The following CCDC136 variants were observed in gnomAD, a reference collection of about 807,000 sequenced individuals.
CCDC136 encodes the protein coiled-coil domain-containing protein 136.
Under a neutral mutation model 141.2 loss-of-function variants are expected in CCDC136, and 100 were observed. The observed-to-expected ratio is 0.71, with a 90% CI of 0.60 to 0.84. The LOEUF is 0.84. Ranked by LOEUF, CCDC136 falls within the 40% of genes least tolerant of loss-of-function variation. The pLI, the probability that CCDC136 is intolerant of heterozygous loss-of-function variation, is 0.00. For missense variants in CCDC136, 1,206 were observed against 1,379.4 expected, an observed-to-expected ratio of 0.87 and a Z score of 1.99; for synonymous variants, 474 against 531.9, an observed-to-expected ratio of 0.89 and a Z score of 1.50.
intron 10 of CCDC136, chr7:128,809,038 G>C: frequency 1.1e-6 from 1 of 898,634 alleles, no homozygotes; most frequent in Non-Finnish European, 1.3e-6. Context: ...TTTGTAAGGA[G>C]TGTAGTTGCA....
In CCDC136 at chr7:128,805,374, A is replaced by T. The variant is rs1804674974; in HGVS notation, c.798A>T (p.Thr266=). The stretch of plus-strand genomic sequence containing the variant: ...TGAATTGCAGGACACAGAGAGCAAC[A>T]GAGAGATGGCTGCAGTCCCAAACAC... The part of the protein sequence containing the change: ...DLESERTQRA[T]ERWLQSQTLS... The change falls in exon 6 of 18, where the codon ACA becomes ACT. Residue 266 remains threonine (T), a synonymous_variant. Coordinates refer to ENST00000297788, the MANE Select transcript of CCDC136 (RefSeq NM_022742.5). The surrounding 1 kb of genome is among the most constrained non-coding windows in gnomAD (Gnocchi z 4.6). 1 of 1,613,932 alleles carries T rather than the reference A, an allele frequency of 6.2e-7. No individual in the cohort carries two copies. The highest frequency in any genetic ancestry group is 8.5e-7 in the Non-Finnish European group (1 of 1,179,880).
upstream of CCDC136, chr7:128,791,484 G>C: frequency 2.3e-6 from 3 of 1,322,430 alleles, no homozygotes; most frequent in Non-Finnish European, 2.9e-6. This position sits in a 1 kb window ranked among gnomAD's most constrained non-coding sequence, Gnocchi z 7.1. Flanking sequence ...AGGCGGCGGC[G>C]GGAGCGGTCA....
In CCDC136 at chr7:128,821,563, GGA is replaced by G; in HGVS notation, c.*6-233_*6-232del. Among the ~76,000 whole-genome samples the G allele has an allele frequency of 6.6e-6, 1 of 152,316 alleles. No individual in the cohort carries two copies. The highest frequency in any genetic ancestry group is 1.5e-5 in the Non-Finnish European group (1 of 68,028). On this transcript the variant is annotated intron_variant, in intron 17 of 17. Transcript: ENST00000297788. This position sits in a 1 kb window ranked among gnomAD's most constrained non-coding sequence, Gnocchi z 5.1. ...GGGAGCTAGTATTCTCAGCCCATGGGGAGAAACGGAGGCCTGAATACAGGCGG... is the reference window on the plus strand; with the variant it reads ...GGGAGCTAGTATTCTCAGCCCATGGGGAAACGGAGGCCTGAATACAGGCGG...
rs1029336375 is a variant in CCDC136, at chr7:128,815,579, C to T, written c.3046-35C>T. ...ATGAGATTAGGAGCTTCACAGGTAACGCAGCCGCCATCCTGCCCTACTCCC... is the reference window on the plus strand; with the variant it reads ...ATGAGATTAGGAGCTTCACAGGTAATGCAGCCGCCATCCTGCCCTACTCCC... On this transcript the variant is annotated intron_variant, in intron 15 of 17. Coordinates refer to ENST00000297788, the MANE Select transcript of CCDC136 (RefSeq NM_022742.5). 1.6e-5 allele frequency: 24 copies of T among 1,526,352 alleles called. No homozygotes were observed. In the African/African-American group the frequency reaches 1.8e-4, roughly 11 times the overall value. The allele number at this position is 1,526,352 out of a possible 1,614,324, so 94.6% of individuals were successfully genotyped here.
chr7:128,808,964 A>G, intron 10 of CCDC136: 2 of 985,256 alleles, frequency 2.0e-6, no homozygotes, highest in Non-Finnish European at 2.4e-6. Flanking sequence ...CATACTTTCT[A>G]AAGATTTAAA....
In CCDC136 at chr7:128,805,969, G is replaced by A. The variant is rs557940028; in HGVS notation, c.1089+68G>A. The A allele has an allele frequency of 5.1e-5, 81 of 1,575,182 alleles. 1 individual carries two copies. In the African/African-American group the frequency reaches 5.7e-4, roughly 11 times the overall value. On this transcript the variant is annotated intron_variant, in intron 7 of 17. Transcript: ENST00000297788. This position sits in a 1 kb window ranked among gnomAD's most constrained non-coding sequence, Gnocchi z 4.6. ...GCCTCATGGAGGGGCTGCTTCAACC[G>A]GGGTGGGCACAGTGAGTATGGCTGT...
Position 128,812,029 on chromosome 7 carries a change from C to T in CCDC136, c.2258C>T (p.Pro753Leu). ...SYGKSYGSMV[P>L]SNENCRKTYD... ...GGGAAGAGCTATGGTAGCATGGTCC[C>T]CAGCAATGAGAACTGTCGCAAGACT... The change falls in exon 13 of 18, where the codon CCC becomes CTC. Residue 753 changes from proline to leucine, a missense_variant. By Grantham distance (98) the Pro-to-Leu change is moderately conservative. Coordinates refer to ENST00000297788, the MANE Select transcript of CCDC136 (RefSeq NM_022742.5). 1 of 1,613,994 alleles carries T rather than the reference C, an allele frequency of 6.2e-7. No homozygotes were observed. The highest frequency in any genetic ancestry group is 8.5e-7 in the Non-Finnish European group (1 of 1,179,882).
Position 128,812,270 on chromosome 7 carries a change from C to T in CCDC136, c.2499C>T (p.Ser833=), listed in dbSNP as rs535712312. 1 of 1,613,342 alleles carries T rather than the reference C, an allele frequency of 6.2e-7. No homozygotes were observed. The highest frequency in any genetic ancestry group is 1.3e-5 in the African/African-American group (1 of 75,018). The part of the protein sequence containing the change: ...SSDTCQKSFV[S]SCTDEEPAEP... ...ACACCTGCCAGAAGAGTTTTGTCAG[C>T]AGCTGCACTGACGAGGAACCTGCTG... Residue 833 remains serine, a synonymous_variant, in exon 13 of 18, where the codon AGC becomes AGT. Coordinates refer to ENST00000297788, the MANE Select transcript of CCDC136 (RefSeq NM_022742.5).
chr7:128,793,537 C>T (rs77573490), intron 1 of CCDC136, among the ~76,000 whole-genome samples: 5 of 152,180 alleles, frequency 3.3e-5, no homozygotes, highest in Non-Finnish European at 2.9e-5. Context: ...TACCTGCTGA[C>T]GGGCAATGTT....
intron 10 of CCDC136, 24 bp from the exon 11 acceptor site, chr7:128,809,426 C>T: frequency 6.8e-7 from 1 of 1,477,970 alleles, no homozygotes; most frequent in Middle Eastern, 2.4e-4. Flanking sequence ...TAACCACCCC[C>T]TCCACACCCG....
In CCDC136 at chr7:128,817,267, C is replaced by A. The variant is rs548299645; in HGVS notation, c.3364-491C>A. The stretch of plus-strand genomic sequence containing the variant: ...GCCCTTCTCCATTGTCAGTTTGTTT[C>A]GGTGCATGTTGTCTTACAATGATAT... On this transcript the variant is annotated intron_variant, in intron 16 of 17. Transcript: ENST00000297788. This position sits in a 1 kb window ranked among gnomAD's most constrained non-coding sequence, Gnocchi z 4.6. 2.6e-5 allele frequency among the ~76,000 whole-genome samples: 4 copies of A among 152,082 alleles called. No individual in the cohort carries two copies. The highest frequency in any genetic ancestry group is 2.1e-4 in the South Asian group (1 of 4,810).
chr7:128,817,901 G>T lies in CCDC136; in HGVS notation c.*5+37G>T. The T allele has an allele frequency of 6.5e-7, 1 of 1,532,824 alleles. No homozygotes were observed. The highest frequency in any genetic ancestry group is 9.0e-7 in the Non-Finnish European group (1 of 1,106,718). 95.0% of individuals were successfully genotyped at this position (1,532,824 alleles called of 1,614,324 possible). Reference sequence around the variant, plus strand: ...GCTTCCTCTCCTTCTGAGGGATAGAGGGAGGGTGCAGGTTGCCCTGGCCTC... The same window carrying T: ...GCTTCCTCTCCTTCTGAGGGATAGATGGAGGGTGCAGGTTGCCCTGGCCTC... On this transcript the variant is annotated intron_variant, in intron 17 of 17. Coordinates refer to ENST00000297788, the MANE Select transcript of CCDC136 (RefSeq NM_022742.5). The surrounding 1 kb of genome is among the most constrained non-coding windows in gnomAD (Gnocchi z 4.6).
chr7:128,816,464 G>A (rs369405300), intron 16 of CCDC136, among the ~76,000 whole-genome samples: 3 of 152,168 alleles, frequency 2.0e-5, no homozygotes, highest in Non-Finnish European at 4.4e-5. Context: ...GGACATGAAG[G>A]TGGGGCCTGG....
At chr7:128,819,996 A>T (rs1453460960) in intron 17 of CCDC136, among the ~76,000 whole-genome samples, 6 of 152,206 alleles carry the variant, frequency 3.9e-5, no homozygotes, top group South Asian at 2.1e-4. Context: ...GAGGCTTCAA[A>T]GGCAGAATTT....
chr7:128,791,642 C>T, upstream of CCDC136: 2 of 838,368 alleles, frequency 2.4e-6, no homozygotes, highest in Non-Finnish European at 3.2e-6. This position sits in a 1 kb window ranked among gnomAD's most constrained non-coding sequence, Gnocchi z 7.1. Flanking sequence ...TCCCGGCCTC[C>T]GCGGCTCCCC....
Position 128,811,857 on chromosome 7 carries a change from C to G in CCDC136, c.2086C>G (p.Gln696Glu). 4 of 1,610,172 alleles carry G rather than the reference C, an allele frequency of 2.5e-6. No homozygotes were observed. The highest frequency in any genetic ancestry group is 3.4e-6 in the Non-Finnish European group (4 of 1,178,348). Residue 696 changes from glutamine (Q) to glutamate (E), a missense_variant, in exon 13 of 18, where the codon CAG (glutamine) becomes GAG (glutamate). Physicochemically the swap from Gln to Glu is conservative, Grantham distance 29. Coordinates refer to ENST00000297788, the MANE Select transcript of CCDC136 (RefSeq NM_022742.5). ...CCTGCAGGTGATGTATGACGCCGGTCAGGCGAAGCAGGAGCTCTTGCAGCA... is the reference window on the plus strand; with the variant it reads ...CCTGCAGGTGATGTATGACGCCGGTGAGGCGAAGCAGGAGCTCTTGCAGCA... ...QALQVMYDAG[Q>E]AKQELLQQEQ... is the part of the protein sequence containing the mutation.
rs1402456734 is a variant in CCDC136 at position 128,810,300 on chromosome 7, C to T, written c.1962C>T (p.Phe654=). The part of the protein sequence containing the change: ...EELRRFKESH[F]QEVLENPDDS... ...TGCGACGTTTCAAAGAGTCTCATTT[C>T]CAGGAAGTGTTGGAGAATCCCGATG... Residue 654 remains phenylalanine (F), a synonymous_variant, in exon 12 of 18, where the codon TTC becomes TTT. Coordinates refer to ENST00000297788, the MANE Select transcript of CCDC136 (RefSeq NM_022742.5). 1 of 1,613,992 alleles carries T rather than the reference C, an allele frequency of 6.2e-7. No homozygotes were observed. The highest frequency in any genetic ancestry group is 8.5e-7 in the Non-Finnish European group (1 of 1,179,872).
At chr7:128,803,654 A>G (rs777962368) in intron 4 of CCDC136, among the ~76,000 whole-genome samples, 1 of 152,120 alleles carries the variant, frequency 6.6e-6, no homozygotes, top group Non-Finnish European at 1.5e-5. Flanking sequence ...CTATCTCAAA[A>G]CAAAACAAAA....
chr7:128,818,163 C>A, intron 17 of CCDC136: 1 of 348,108 alleles, frequency 2.9e-6, no homozygotes, highest in Non-Finnish European at 5.3e-6. Flanking sequence ...GCTGTCAAAG[C>A]TGCCTCACTA....
Sources: gnomAD v4.1 joint callset for allele counts (sites outside exome capture counted in the v4.1 genomes callset) on GRCh38, gnomAD v4.1.1 for gene constraint, Gnocchi (gnomAD v3.1) non-coding constraint, MANE v1.5 for transcripts, NCBI Gene and HGNC (gene_info 2026-07-23, HGNC 2026-07-21) for gene names.